CDIN1: variants seen among roughly 807,000 people sequenced by gnomAD.
CDIN1 encodes CDAN1-interacting nuclease 1.
In CDIN1, 33 loss-of-function variants were observed where a neutral mutation model predicts 45.3. The ratio of observed to expected loss-of-function variants is 0.73; its 90% CI spans 0.55 to 0.97. The LOEUF (loss-of-function observed/expected upper bound fraction) is 0.97, where lower values mean the gene tolerates loss of function less well. Ranked by LOEUF, CDIN1 falls within the 50% of genes least tolerant of loss-of-function variation. CDIN1 has a pLI of 0.00. For missense variants in CDIN1, 303 were observed against 339.4 expected (o/e 0.89, Z 0.84); for synonymous variants, 118 against 124.4 (o/e 0.95, Z 0.34).
chr15:36,702,883 G>C (rs2042693994), intron 8 of CDIN1, among the ~76,000 whole-genome samples: 1 of 151,928 alleles, frequency 6.6e-6, no homozygotes, highest in South Asian at 2.1e-4. Flanking sequence ...AGCAAAGTCA[G>C]TGATTCTCTT....
intron 10 of CDIN1, among the ~76,000 whole-genome samples, chr15:36,775,081 CAT>C (rs894580062): frequency 2.6e-5 from 4 of 152,336 alleles, no homozygotes; most frequent in East Asian, 1.9e-4. Context: ...ATAGGTGACA[CAT>C]GTCGCAGAGA....
chr15:36,721,447 G>A (rs757440431), intron 10 of CDIN1, among the ~76,000 whole-genome samples: 1 of 152,076 alleles, frequency 6.6e-6, no homozygotes, highest in Non-Finnish European at 1.5e-5. Flanking sequence ...TTATTTTGAA[G>A]TATGCTGTTT....
At chr15:36,788,102 ATATATTTTTTTT>A (rs1392455073) in intron 10 of CDIN1, among the ~76,000 whole-genome samples, 56 of 34,170 alleles carry the variant, frequency 1.6e-3, no homozygotes, top group South Asian at 0.016. Context: ...ATATATATAT[ATATATTTTTTTT>A]TTTTTTTTTT....
intron 1 of CDIN1, among the ~76,000 whole-genome samples, chr15:36,600,000 G>A (rs771899752): frequency 3.3e-5 from 5 of 152,184 alleles, no homozygotes; most frequent in Non-Finnish European, 5.9e-5. Flanking sequence ...TGCATCTTGG[G>A]CTCAGAGATC....
chr15:36,709,102 A>G, intron 8 of CDIN1, 121 bp from the exon 9 acceptor site: 1 of 726,506 alleles, frequency 1.4e-6, no homozygotes. Context: ...CTGCATGCAT[A>G]AGAAAGATAT....
chr15:36,665,048 T>A (rs564207890), intron 5 of CDIN1, among the ~76,000 whole-genome samples: 114 of 152,334 alleles, frequency 7.5e-4, no homozygotes, highest in African/African-American at 2.3e-3. Flanking sequence ...CCTAGACAAT[T>A]CAGATGAAAT....
intron 5 of CDIN1, among the ~76,000 whole-genome samples, chr15:36,659,589 T>C (rs1178848306): frequency 1.3e-5 from 2 of 152,106 alleles, no homozygotes. Context: ...GGGTTAATGG[T>C]TGTTTCACTG....
chr15:36,625,366 A>T (rs1050474689), intron 1 of CDIN1, among the ~76,000 whole-genome samples: 3 of 152,206 alleles, frequency 2.0e-5, no homozygotes, highest in African/African-American at 7.2e-5. Flanking sequence ...GACTAGTAGC[A>T]TTATGGTCAC....
intron 10 of CDIN1, among the ~76,000 whole-genome samples, chr15:36,781,479 T>G (rs1364514626): frequency 6.6e-6 from 1 of 152,192 alleles, no homozygotes; most frequent in Non-Finnish European, 1.5e-5. Flanking sequence ...CTTTTTCCCG[T>G]GCTTTTCCTA....
At chr15:36,598,172 A>G (rs1380247067) in intron 1 of CDIN1, among the ~76,000 whole-genome samples, 1 of 151,980 alleles carries the variant, frequency 6.6e-6, no homozygotes, top group Non-Finnish European at 1.5e-5. Flanking sequence ...TTGTATTTTT[A>G]GTAGAGACGG....
intron 1 of CDIN1, chr15:36,627,394 T>C (rs2039481825): frequency 6.3e-6 from 1 of 158,058 alleles, no homozygotes; most frequent in Non-Finnish European, 1.4e-5. Flanking sequence ...CTGGCTCCCT[T>C]TGCTTAGAGA....
chr15:36,619,799 C>T (rs748671959), intron 1 of CDIN1, among the ~76,000 whole-genome samples: 4 of 151,990 alleles, frequency 2.6e-5, no homozygotes, highest in Non-Finnish European at 4.4e-5. Context: ...TATTGCAAAG[C>T]GGATTAGTGG....
chr15:36,780,733 T>C lies in CDIN1; in HGVS notation c.717-27591T>C, dbSNP rs538579426. On this transcript the variant is annotated intron_variant, in intron 10 of 10. Coordinates refer to ENST00000566621, the MANE Select transcript of CDIN1 (RefSeq NM_001321759.2). ...TGTATCTCTTATTAATTCTAATAACTGTGCAATAGAGTAGATACTATTGTT... is the reference window on the plus strand; with the variant it reads ...TGTATCTCTTATTAATTCTAATAACCGTGCAATAGAGTAGATACTATTGTT... 2.8e-4 allele frequency among the ~76,000 whole-genome samples: 42 copies of C among 152,318 alleles called. No individual in the cohort carries two copies. In the Middle Eastern group the frequency reaches 0.01, roughly 37 times the overall value.
intron 10 of CDIN1, among the ~76,000 whole-genome samples, chr15:36,720,977 G>T (rs1391150960): frequency 2.0e-5 from 3 of 152,156 alleles, no homozygotes; most frequent in Non-Finnish European, 2.9e-5. Context: ...ATTCTACGTG[G>T]CATGAGATGG....
chr15:36,703,265 T>C (rs1361422060), intron 8 of CDIN1, among the ~76,000 whole-genome samples: 9 of 98,106 alleles, frequency 9.2e-5, no homozygotes, highest in Non-Finnish European at 1.7e-4. Context: ...GGGATATATA[T>C]ATCTGATAGA....
intron 10 of CDIN1, among the ~76,000 whole-genome samples, chr15:36,722,000 T>C (rs915548447): frequency 6.6e-5 from 10 of 152,254 alleles, no homozygotes; most frequent in East Asian, 1.9e-4. Context: ...ATCCCATCAC[T>C]CTGGGATTAC....
intron 1 of CDIN1, chr15:36,613,572 A>C: frequency 6.7e-7 from 1 of 1,486,626 alleles, no homozygotes; most frequent in African/African-American, 1.4e-5. Context: ...CTCCAGCAAG[A>C]AGTTGAGGGA....
At chr15:36,793,010 A>G (rs1045132297) in intron 10 of CDIN1, among the ~76,000 whole-genome samples, 6 of 152,106 alleles carry the variant, frequency 3.9e-5, no homozygotes, top group Non-Finnish European at 2.9e-5. Flanking sequence ...CTCGATCTGC[A>G]TGTGGCTCTT....
intron 10 of CDIN1, among the ~76,000 whole-genome samples, chr15:36,766,528 C>T (rs1195165540): frequency 6.6e-6 from 1 of 152,232 alleles, no homozygotes. Flanking sequence ...CCTCCAACAG[C>T]ATACAAAGGT....
Sources: allele counts gnomAD v4.1 joint callset (sites outside exome capture counted in the v4.1 genomes callset), GRCh38; gene constraint gnomAD v4.1.1; transcripts MANE v1.5; gene names NCBI Gene and HGNC (gene_info 2026-07-23, HGNC 2026-07-21).